TSPAN18: variants seen among roughly 807,000 people sequenced by gnomAD.
The protein encoded by TSPAN18 is tetraspanin 18.
A neutral mutation model predicts 27.3 loss-of-function variants in TSPAN18; 14 were observed. The observed-to-expected ratio is 0.51, with a 90% CI of 0.34 to 0.80. The LOEUF is 0.80. Ranked by LOEUF, TSPAN18 falls within the 30% of genes least tolerant of loss-of-function variation. TSPAN18 has a pLI of 0.01. For synonymous variants in TSPAN18, 143 were observed against 136.5 expected (o/e 1.05, Z -0.33); for missense variants, 268 against 323.9 (o/e 0.83, Z 1.32).
chr11:44,846,606 T>TGTGTGTGTGTGTGTGTGTG lies in TSPAN18; in HGVS notation c.-152-13722_-152-13721insGTGTGTGTGTGTGTGTGTG, dbSNP rs576341145. Among the ~76,000 whole-genome samples, 939 of 151,212 alleles carry TGTGTGTGTGTGTGTGTGTG rather than the reference T, an allele frequency of 6.2e-3. 7 individuals carry two copies. The highest frequency in any genetic ancestry group is 0.018 in the South Asian group (88 of 4,782). On this transcript the variant is annotated intron_variant, in intron 2 of 9. Coordinates refer to ENST00000520358, the MANE Select transcript of TSPAN18 (RefSeq NM_130783.5). ...CAAGAGGCTGTCTGTGTGTGTGTGTTTGTGTGTGTGTCTATGTGTCTATGT... is the reference window on the plus strand; with the variant it reads ...CAAGAGGCTGTCTGTGTGTGTGTGTTGTGTGTGTGTGTGTGTGTGTGTGTGTGTGTCTATGTGTCTATGT...
chr11:44,737,896 C>A (rs1854836348), intron 1 of TSPAN18, among the ~76,000 whole-genome samples: 1 of 152,172 alleles, frequency 6.6e-6, no homozygotes, highest in South Asian at 2.1e-4. Flanking sequence ...CCAGCCCCTG[C>A]ATTACCTCCT....
chr11:44,799,515 C>A (rs1384368383), intron 2 of TSPAN18, among the ~76,000 whole-genome samples: 2 of 152,210 alleles, frequency 1.3e-5, no homozygotes, highest in Non-Finnish European at 2.9e-5. Context: ...GGGAGAACGT[C>A]AATGAGCGGG....
intron 2 of TSPAN18, among the ~76,000 whole-genome samples, chr11:44,840,234 T>C (rs1857346324): frequency 6.6e-6 from 1 of 152,172 alleles, no homozygotes. Flanking sequence ...GGCGAGGGCA[T>C]GGCACAGTGC....
chr11:44,867,727 A>C (rs1858079441), intron 3 of TSPAN18, among the ~76,000 whole-genome samples: 1 of 152,126 alleles, frequency 6.6e-6, no homozygotes, highest in African/African-American at 2.4e-5. Flanking sequence ...AAGGGGACAA[A>C]GGAGTCTGTG....
At chr11:44,740,846 T>C (rs4755883) in intron 1 of TSPAN18, among the ~76,000 whole-genome samples, 30,126 of 152,088 alleles carry the variant, frequency 0.2, 5,017 homozygotes, top group East Asian at 0.78. Context: ...AGGGCAGGGT[T>C]GAGATCTTGG....
chr11:44,871,136 AT>A (rs1302371568), intron 3 of TSPAN18, among the ~76,000 whole-genome samples: 5 of 152,182 alleles, frequency 3.3e-5, no homozygotes, highest in African/African-American at 1.2e-4. Context: ...TGTCTAGAGT[AT>A]TTACTCTTGC....
At chr11:44,871,417 AC>A (rs1858192163) in intron 3 of TSPAN18, among the ~76,000 whole-genome samples, 1 of 152,074 alleles carries the variant, frequency 6.6e-6, no homozygotes, top group South Asian at 2.1e-4. Flanking sequence ...ACCTCCAAAT[AC>A]CATCACATTG....
chr11:44,866,592 C>G (rs1297716814), intron 3 of TSPAN18, among the ~76,000 whole-genome samples: 1 of 152,216 alleles, frequency 6.6e-6, no homozygotes, highest in Non-Finnish European at 1.5e-5. Flanking sequence ...TCTGGCATCT[C>G]AGGATCACTC....
At chr11:44,842,335 A>C (rs1857390684) in intron 2 of TSPAN18, among the ~76,000 whole-genome samples, 1 of 152,248 alleles carries the variant, frequency 6.6e-6, no homozygotes, top group African/African-American at 2.4e-5. Context: ...CGCTCACTGT[A>C]GTAACTGCAA....
intron 1 of TSPAN18, among the ~76,000 whole-genome samples, chr11:44,743,316 G>A (rs551910717): frequency 1.3e-5 from 2 of 152,328 alleles, no homozygotes; most frequent in Admixed American, 1.3e-4. Context: ...GTGAAGAGCA[G>A]CAGGATCAGA....
chr11:44,857,126 G>A (rs1857758840), intron 2 of TSPAN18, among the ~76,000 whole-genome samples: 1 of 152,234 alleles, frequency 6.6e-6, no homozygotes, highest in South Asian at 2.1e-4. Flanking sequence ...GCCCAGAGGT[G>A]GGGAAAGAGG....
chr11:44,768,937 C>T (rs886409476), intron 2 of TSPAN18, among the ~76,000 whole-genome samples: 6 of 147,878 alleles, frequency 4.1e-5, no homozygotes, highest in Middle Eastern at 3.4e-3. Context: ...CACTCTGTTG[C>T]CCAGGCTGGA....
intron 1 of TSPAN18, among the ~76,000 whole-genome samples, chr11:44,763,798 C>T (rs527837113): frequency 1.1e-3 from 165 of 152,246 alleles, no homozygotes; most frequent in African/African-American, 3.5e-3. Context: ...GCTCTGGGGA[C>T]GCTATCCTGG....
intron 2 of TSPAN18, among the ~76,000 whole-genome samples, chr11:44,804,314 A>T (rs1856545743): frequency 6.6e-6 from 1 of 152,164 alleles, no homozygotes. Flanking sequence ...GCCGGTCTCG[A>T]ACTCCTGACC....
chr11:44,899,823 C>A (rs1352763663), intron 3 of TSPAN18, among the ~76,000 whole-genome samples: 2 of 152,226 alleles, frequency 1.3e-5, no homozygotes. Flanking sequence ...GCCCCACCCA[C>A]ACTGCTACTC....
chr11:44,797,019 G>A (rs1282456887), intron 2 of TSPAN18, among the ~76,000 whole-genome samples: 1 of 152,096 alleles, frequency 6.6e-6, no homozygotes, highest in Non-Finnish European at 1.5e-5. Flanking sequence ...AGGTATTACA[G>A]GACCTGAAAT....
intron 2 of TSPAN18, among the ~76,000 whole-genome samples, chr11:44,806,700 G>A (rs181416647): frequency 1.2e-4 from 19 of 152,276 alleles, no homozygotes; most frequent in Admixed American, 1.2e-3. Context: ...TCATCTTGGG[G>A]CTGAAAGAAC....
chr11:44,735,982 A>T (rs1260572453), intron 1 of TSPAN18, among the ~76,000 whole-genome samples: 2 of 152,110 alleles, frequency 1.3e-5, no homozygotes, highest in South Asian at 2.1e-4. Context: ...GGCTGTCAAC[A>T]TATCGTTTTG....
intron 3 of TSPAN18, among the ~76,000 whole-genome samples, chr11:44,883,939 T>TTAAA (rs1565190584): frequency 2.0e-5 from 3 of 152,184 alleles, no homozygotes; most frequent in African/African-American, 7.2e-5. Context: ...ATTAAATGAG[T>TTAAA]TAACAGATGC....
Sources: allele counts gnomAD v4.1 joint callset (sites outside exome capture counted in the v4.1 genomes callset), GRCh38; gene constraint gnomAD v4.1.1; transcripts MANE v1.5; gene names NCBI Gene and HGNC (gene_info 2026-07-23, HGNC 2026-07-21).